The following PRR16 variants were observed in gnomAD, a reference collection of about 807,000 sequenced individuals.
The protein encoded by PRR16 is proline rich 16.
PRR16 carries 6 observed loss-of-function variants against 18.2 expected under a neutral mutation model. The ratio of observed to expected loss-of-function variants is 0.33; its 90% confidence interval spans 0.18 to 0.65. The LOEUF is 0.65. Among genes scored for constraint, PRR16 ranks in the 30% least tolerant of loss-of-function variants. PRR16 has a pLI of 0.74. For synonymous variants in PRR16, 151 were observed against 147.8 expected (o/e 1.02, Z -0.16); for missense variants, 412 against 376.6 (o/e 1.09, Z -0.78).
chr5:120,653,672 A>G (rs2150133358), intron 1 of PRR16, among the ~76,000 whole-genome samples: 3 of 151,900 alleles, frequency 2.0e-5, no homozygotes, highest in Middle Eastern at 3.4e-3. Flanking sequence ...TTATAAATCA[A>G]CTGTACAATG....
intron 1 of PRR16, among the ~76,000 whole-genome samples, chr5:120,535,992 A>G (rs1002797029): frequency 6.6e-6 from 1 of 152,220 alleles, no homozygotes. Flanking sequence ...ATACAATGGT[A>G]TTATGTAGTC....
At chr5:120,705,607 C>T in the PRR16 span, among the ~76,000 whole-genome samples, 1 of 151,848 alleles carries the variant, frequency 6.6e-6, no homozygotes. Flanking sequence ...AATTTTTATT[C>T]TTGTGTTTTT....
the PRR16 span, among the ~76,000 whole-genome samples, chr5:120,762,024 G>C: frequency 0.41 from 61,829 of 151,806 alleles, 12,818 homozygotes; most frequent in African/African-American, 0.48. Context: ...CAGTTTTCAT[G>C]CATGTTACTG....
At chr5:120,786,615 TATAA>T in the PRR16 span, among the ~76,000 whole-genome samples, 62 of 149,790 alleles carry the variant, frequency 4.1e-4, no homozygotes, top group South Asian at 1.2e-3. Context: ...AATTAAAATA[TATAA>T]ATATAGATTA....
At chr5:120,704,665 C>G in the PRR16 span, among the ~76,000 whole-genome samples, 2 of 152,114 alleles carry the variant, frequency 1.3e-5, no homozygotes, top group East Asian at 3.9e-4. Flanking sequence ...GATCCCCAAC[C>G]TGGACCAATT....
the PRR16 span, among the ~76,000 whole-genome samples, chr5:120,779,830 G>A: frequency 6.6e-6 from 1 of 152,118 alleles, no homozygotes; most frequent in South Asian, 2.1e-4. Context: ...GTCAGAGATT[G>A]GACTCAGGGT....
At chr5:120,495,061 T>C (rs893876630) in intron 1 of PRR16, among the ~76,000 whole-genome samples, 4 of 152,098 alleles carry the variant, frequency 2.6e-5, no homozygotes, top group African/African-American at 9.7e-5. Context: ...CTTTCGCTAT[T>C]ATAATTTATG....
At chr5:120,564,942 C>A (rs986584725) in intron 1 of PRR16, among the ~76,000 whole-genome samples, 1 of 148,688 alleles carries the variant, frequency 6.7e-6, no homozygotes, top group Non-Finnish European at 1.5e-5. Flanking sequence ...GCCGAGATCG[C>A]GCCACTGCAC....
At chr5:120,772,175 T>C in the PRR16 span, among the ~76,000 whole-genome samples, 9 of 152,132 alleles carry the variant, frequency 5.9e-5, no homozygotes, top group Non-Finnish European at 1.3e-4. Context: ...ATTTAAGCAA[T>C]ATGCAAAACT....
chr5:120,511,408 G>A (rs970886072), intron 1 of PRR16, among the ~76,000 whole-genome samples: 5 of 151,962 alleles, frequency 3.3e-5, no homozygotes, highest in African/African-American at 1.2e-4. Flanking sequence ...ATTTATTATT[G>A]TTTATTTTAG....
intron 1 of PRR16, among the ~76,000 whole-genome samples, chr5:120,611,118 C>T (rs1055752743): frequency 5.3e-5 from 8 of 152,246 alleles, no homozygotes; most frequent in Admixed American, 2.0e-4. Context: ...ATTTGTGGAA[C>T]TTTGACCTTG....
intron 1 of PRR16, among the ~76,000 whole-genome samples, chr5:120,521,860 C>T (rs1041188481): frequency 6.6e-6 from 1 of 152,080 alleles, no homozygotes; most frequent in African/African-American, 2.4e-5. Flanking sequence ...TGTGGTGTTC[C>T]CCACCCTGTG....
the PRR16 span, among the ~76,000 whole-genome samples, chr5:120,792,877 C>A: frequency 6.6e-6 from 1 of 151,524 alleles, no homozygotes; most frequent in Non-Finnish European, 1.5e-5. Context: ...GTGGGCTGGG[C>A]GTGGTGGCTC....
chr5:120,587,920 AT>A (rs1299198235), intron 1 of PRR16, among the ~76,000 whole-genome samples: 1 of 152,204 alleles, frequency 6.6e-6, no homozygotes, highest in Non-Finnish European at 1.5e-5. Context: ...ATTCACCATT[AT>A]AGATGCCATT....
chr5:120,568,719 C>G (rs964837866), intron 1 of PRR16, among the ~76,000 whole-genome samples: 1 of 152,012 alleles, frequency 6.6e-6, no homozygotes, highest in Admixed American at 6.6e-5. Context: ...GTAATTATAA[C>G]TTATACATCA....
intron 1 of PRR16, among the ~76,000 whole-genome samples, chr5:120,579,598 T>C (rs1374929217): frequency 6.6e-6 from 1 of 152,210 alleles, no homozygotes; most frequent in African/African-American, 2.4e-5. Flanking sequence ...TCTGTTCTGC[T>C]CTATTGGTCT....
intron 1 of PRR16, among the ~76,000 whole-genome samples, chr5:120,679,197 A>G (rs1756899833): frequency 6.6e-6 from 1 of 152,246 alleles, no homozygotes; most frequent in South Asian, 2.1e-4. Flanking sequence ...AAAGTCCTCC[A>G]CAGACCCAAA....
chr5:120,629,036 C>T (rs1181154155), intron 1 of PRR16, among the ~76,000 whole-genome samples: 1 of 152,004 alleles, frequency 6.6e-6, no homozygotes, highest in African/African-American at 2.4e-5. Flanking sequence ...CTTTCTCCCA[C>T]TCTCCATGCT....
Position 120,464,306 on chromosome 5 carries a change from T to A in PRR16, c.-181T>A. ...CCGAGCGCCGCGTCTCGGGAGTTGA[T>A]GGCAGCACCACTGTGCGGCCGCCCG... On this transcript the variant is annotated 5_prime_UTR_variant, in exon 1 of 2. The change abolishes an upstream ATG in the 5' untranslated region. Coordinates refer to ENST00000407149, the MANE Select transcript of PRR16 (RefSeq NM_001300783.2). 6.2e-6 allele frequency: 3 copies of A among 486,264 alleles called. No homozygotes were observed. Among genetic ancestry groups the A allele is most frequent in the Non-Finnish European group, 6.5e-6 (2 of 308,824 alleles). The allele number at this position is 486,264 out of a possible 1,614,324, so 30.1% of individuals were successfully genotyped here.
Sources: gnomAD v4.1 joint callset for allele counts (sites outside exome capture counted in the v4.1 genomes callset) on GRCh38, gnomAD v4.1.1 for gene constraint, MANE v1.5 for transcripts, NCBI Gene and HGNC (gene_info 2026-07-23, HGNC 2026-07-21) for gene names.